Variants in FOLH1 observed in about 807,000 individuals in gnomAD.
FOLH1 encodes folate hydrolase 1, also known as glutamate carboxypeptidase 2.
FOLH1 carries 54 observed loss-of-function variants against 93.9 expected under a neutral mutation model. The ratio of observed to expected loss-of-function variants is 0.57; its 90% CI spans 0.46 to 0.72. FOLH1 has a LOEUF of 0.72. Ranked by LOEUF, FOLH1 falls within the 30% of genes least tolerant of loss-of-function variation. FOLH1 has a pLI of 0.00. For synonymous variants in FOLH1, 249 were observed against 303.6 expected (o/e 0.82, Z 1.87); for missense variants, 571 against 892.5 (o/e 0.64, Z 4.59).
intron 17 of FOLH1, among the ~76,000 whole-genome samples, chr11:49,151,838 A>G (rs1218789368): frequency 6.6e-6 from 1 of 152,170 alleles, no homozygotes; most frequent in Non-Finnish European, 1.5e-5. Flanking sequence ...AACCAGTTTT[A>G]TAGGATACAT....
rs923706770 is a variant in FOLH1, at chr11:49,169,337, T to C, written c.1309-79A>G. 5.1e-5 allele frequency: 70 copies of C among 1,375,964 alleles called. 1 individual carries two copies. The African/African-American group carries it at 5.5e-4, about 11-fold the overall frequency. 85.2% of individuals were successfully genotyped at this position (1,375,964 alleles called of 1,614,324 possible). On this transcript the variant is annotated intron_variant, in intron 11 of 18. Transcript: ENST00000256999. Reference sequence around the variant, plus strand: ...CCACAAAATGCACATCTACATTTAATGTATGTAGATTTCTAATTGAGCTGA... The same window carrying C: ...CCACAAAATGCACATCTACATTTAACGTATGTAGATTTCTAATTGAGCTGA...
chr11:49,169,393 A>C, intron 11 of FOLH1, 135 bp from the exon 12 acceptor site: 1 of 711,258 alleles, frequency 1.4e-6, no homozygotes, highest in African/African-American at 1.8e-5. Flanking sequence ...GACATAAGAA[A>C]TTCTCATAAA....
chr11:49,172,221 T>G (rs1859416270), intron 10 of FOLH1, among the ~76,000 whole-genome samples: 2 of 152,200 alleles, frequency 1.3e-5, no homozygotes, highest in Admixed American at 1.3e-4. Context: ...TTTTGTATAG[T>G]TACCACAGGA....
At chr11:49,147,888 C>T (rs1412637552) in intron 18 of FOLH1, among the ~76,000 whole-genome samples, 3 of 151,694 alleles carry the variant, frequency 2.0e-5, no homozygotes, top group Non-Finnish European at 4.4e-5. Context: ...AATTGCACAA[C>T]TGAACTCTAG....
chr11:49,158,571 T>C (rs1022638542), intron 13 of FOLH1, among the ~76,000 whole-genome samples: 3 of 152,152 alleles, frequency 2.0e-5, no homozygotes, highest in East Asian at 1.9e-4. Context: ...GTTTGATGTC[T>C]CCAGCTTTGT....
intron 3 of FOLH1, among the ~76,000 whole-genome samples, chr11:49,196,249 A>C (rs1227319047): frequency 2.3e-4 from 35 of 152,216 alleles, no homozygotes; most frequent in Admixed American, 2.3e-3. Flanking sequence ...TCATATGACA[A>C]ACAATAAAGT....
intron 2 of FOLH1, among the ~76,000 whole-genome samples, chr11:49,204,944 C>T (rs1863716032): frequency 6.6e-6 from 1 of 152,000 alleles, no homozygotes; most frequent in Admixed American, 6.6e-5. Flanking sequence ...GGTGTGGGGG[C>T]TCACACCGGT....
chr11:49,182,866 T>C (rs1467583816), intron 7 of FOLH1, among the ~76,000 whole-genome samples: 1 of 151,986 alleles, frequency 6.6e-6, no homozygotes, highest in Non-Finnish European at 1.5e-5. Context: ...TTGACAAAAA[T>C]ATAGTGGGGT....
chr11:49,172,129 G>T (rs969829901), intron 10 of FOLH1, among the ~76,000 whole-genome samples: 1 of 151,988 alleles, frequency 6.6e-6, no homozygotes, highest in African/African-American at 2.4e-5. Flanking sequence ...TTTTGTTTTT[G>T]TCAATAGTAT....
Position 49,164,747 on chromosome 11 carries a change from A to G in FOLH1, c.1398T>C (p.Cys466=). 5 of 1,603,832 alleles carry G rather than the reference A, an allele frequency of 3.1e-6. No homozygotes were observed. The South Asian group carries it at 4.5e-5, about 14-fold the overall frequency. The change falls in exon 13 of 19, where the codon TGT becomes TGC. Residue 466 remains cysteine, a synonymous_variant. Coordinates refer to ENST00000256999, the MANE Select transcript of FOLH1 (RefSeq NM_004476.3). The part of the protein sequence containing the change: ...IEGNYTLRVD[C]TPLMYSLVHN... ...GTACCAAGCTGTACATCAGCGGTGT[A>G]CAATCAACTCTCAGAGTGTAGTTTC...
At chr11:49,173,202 TAAAC>T (rs964301032) in intron 10 of FOLH1, among the ~76,000 whole-genome samples, 151 bp downstream of exon 10, 2 of 152,262 alleles carry the variant, frequency 1.3e-5, no homozygotes, top group African/African-American at 4.8e-5. Flanking sequence ...CAAAAATAAA[TAAAC>T]AATATAATTA....
At chr11:49,200,787 G>C (rs1863181300) in intron 2 of FOLH1, among the ~76,000 whole-genome samples, 1 of 152,008 alleles carries the variant, frequency 6.6e-6, no homozygotes, top group South Asian at 2.1e-4. Flanking sequence ...GTAAAATATT[G>C]AAACAGACAA....
chr11:49,201,956 C>A (rs556736396), intron 2 of FOLH1, among the ~76,000 whole-genome samples: 1 of 152,160 alleles, frequency 6.6e-6, no homozygotes, highest in Non-Finnish European at 1.5e-5. Context: ...CAACATTTTG[C>A]TATTATCAGG....
chr11:49,160,786 C>T (rs1857610834), intron 13 of FOLH1, among the ~76,000 whole-genome samples: 1 of 152,124 alleles, frequency 6.6e-6, no homozygotes, highest in Non-Finnish European at 1.5e-5. Context: ...CTATAAATTT[C>T]CCTTTTAATT....
rs771437533 is a variant in FOLH1 at position 49,200,244 on chromosome 11, T to G, written c.411+11A>C. The G allele has an allele frequency of 6.3e-5, 94 of 1,496,844 alleles. No homozygotes were observed. Among genetic ancestry groups the G allele is most frequent in the Non-Finnish European group, 8.1e-5 (91 of 1,120,692 alleles). 92.7% of individuals were successfully genotyped at this position (1,496,844 alleles called of 1,614,324 possible). A position where few individuals can be genotyped will look rare whatever the true frequency, so the allele number is the denominator to read the frequency against. ...GGGAATGTTTCTTTTATTTATTTAT[T>G]TATTTTTTACCTCATTTCCATCTTC... is the stretch of plus-strand genomic sequence containing the variant. On this transcript the variant is annotated intron_variant, in intron 3 of 18. Transcript: ENST00000256999.
At chr11:49,169,708 C>T (rs1030723866) in intron 11 of FOLH1, among the ~76,000 whole-genome samples, 10 of 152,172 alleles carry the variant, frequency 6.6e-5, no homozygotes, top group South Asian at 2.1e-4. Flanking sequence ...TTTCATGTTA[C>T]GAAAAATAAG....
intron 18 of FOLH1, 71 bp from the exon 19 acceptor site, chr11:49,147,016 C>T (rs1855845488): frequency 6.5e-5 from 98 of 1,518,518 alleles, no homozygotes; most frequent in Non-Finnish European, 8.4e-5. Context: ...GAGCACTCTG[C>T]AATTCCTGGA....
chr11:49,166,678 T>C (rs963793918), intron 12 of FOLH1, among the ~76,000 whole-genome samples: 1 of 152,176 alleles, frequency 6.6e-6, no homozygotes, highest in African/African-American at 2.4e-5. Flanking sequence ...AATTTCAGAA[T>C]CTATGATTAT....
At chr11:49,167,902 A>G (rs78324492) in intron 12 of FOLH1, among the ~76,000 whole-genome samples, 1 of 121,162 alleles carries the variant, frequency 8.3e-6, no homozygotes, top group Non-Finnish European at 1.7e-5. Flanking sequence ...GAACAGAAAC[A>G]AAAAAACACA....
Sources: allele counts gnomAD v4.1 joint callset (sites outside exome capture counted in the v4.1 genomes callset), GRCh38; gene constraint gnomAD v4.1.1; transcripts MANE v1.5; gene names NCBI Gene and HGNC (gene_info 2026-07-23, HGNC 2026-07-21).